The following CSMD1 variants were observed in gnomAD, a reference collection of about 807,000 sequenced individuals.
CSMD1 encodes the protein CUB and Sushi multiple domains 1, also known as CUB and sushi domain-containing protein 1.
Under a neutral mutation model 417.5 loss-of-function variants are expected in CSMD1, and 213 were observed. The ratio of observed to expected loss-of-function variants is 0.51; its 90% CI spans 0.46 to 0.57. The LOEUF (loss-of-function observed/expected upper bound fraction) is 0.57. Among genes scored for constraint, CSMD1 ranks in the 20% least tolerant of loss-of-function variants. CSMD1 has a pLI of 0.00. For synonymous variants in CSMD1, 2,862 were observed against 1,736.8 expected (o/e 1.65, Z -16.11); for missense variants, 6,923 against 4,529.7 (o/e 1.53, Z -15.17).
chr8:4,322,596 A>T (rs1308049223), intron 3 of CSMD1, among the ~76,000 whole-genome samples: 4 of 152,220 alleles, frequency 2.6e-5, no homozygotes, highest in African/African-American at 9.6e-5. Flanking sequence ...AACATAAAAG[A>T]CATGTTGTAG....
intron 15 of CSMD1, among the ~76,000 whole-genome samples, chr8:3,404,331 T>A (rs539622275): frequency 3.0e-3 from 60 of 20,200 alleles, no homozygotes; most frequent in African/African-American, 9.5e-3. Flanking sequence ...CCAGACGCTA[T>A]CTCAAAAAAA....
At chr8:3,875,211 G>C (rs980596165) in intron 5 of CSMD1, among the ~76,000 whole-genome samples, 1 of 152,120 alleles carries the variant, frequency 6.6e-6, no homozygotes, top group East Asian at 1.9e-4. Flanking sequence ...GAGGCCATTC[G>C]GGAGCCACCA....
chr8:3,309,350 A>T (rs907290606), intron 23 of CSMD1, among the ~76,000 whole-genome samples: 4 of 151,696 alleles, frequency 2.6e-5, no homozygotes, highest in African/African-American at 9.7e-5. Flanking sequence ...CTCCTGAATT[A>T]CTGCCGACCA....
intron 7 of CSMD1, among the ~76,000 whole-genome samples, chr8:3,674,633 G>T (rs983657328): frequency 6.6e-6 from 1 of 152,024 alleles, no homozygotes; most frequent in Non-Finnish European, 1.5e-5. Flanking sequence ...TTATTTTACA[G>T]ATAATAAAAC....
intron 3 of CSMD1, among the ~76,000 whole-genome samples, chr8:4,217,555 G>A (rs543368230): frequency 2.5e-4 from 38 of 152,192 alleles, no homozygotes; most frequent in African/African-American, 9.2e-4. Context: ...AATAAGGAAG[G>A]CTTTACGCAG....
In CSMD1 at chr8:3,223,166, A is replaced by G. The variant is rs542314143; in HGVS notation, c.4484+563T>C. ...ATTATTTAAAGAGTTTATTTTCATA[A>G]AATGACTACAGTATTAGACCTTCCA... On this transcript the variant is annotated intron_variant, in intron 28 of 69. Coordinates refer to ENST00000635120, the MANE Select transcript of CSMD1 (RefSeq NM_033225.6). Among the ~76,000 whole-genome samples, 7 of 152,220 alleles carry G rather than the reference A, an allele frequency of 4.6e-5. No individual in the cohort carries two copies. In the South Asian group the frequency reaches 1.4e-3, roughly 31 times the overall value.
chr8:4,221,205 C>A (rs543836929), intron 3 of CSMD1, among the ~76,000 whole-genome samples: 1 of 152,270 alleles, frequency 6.6e-6, no homozygotes, highest in Admixed American at 6.5e-5. Context: ...GTCTCTGCCC[C>A]ATAAATATTT....
At chr8:3,254,317 T>A (rs1029742605) in intron 26 of CSMD1, among the ~76,000 whole-genome samples, 2 of 152,160 alleles carry the variant, frequency 1.3e-5, no homozygotes, top group African/African-American at 4.8e-5. Context: ...ATTTTTTCCT[T>A]CATTTTAACT....
intron 1 of CSMD1, among the ~76,000 whole-genome samples, chr8:4,668,419 A>ATTG (rs1158031096): frequency 3.9e-3 from 352 of 89,546 alleles, no homozygotes; most frequent in Middle Eastern, 0.025. Context: ...GTTTTCCATT[A>ATTG]TTATTATTAT....
intron 2 of CSMD1, among the ~76,000 whole-genome samples, chr8:4,624,875 G>C (rs926580555): frequency 1.3e-5 from 2 of 152,024 alleles, no homozygotes; most frequent in African/African-American, 4.8e-5. Context: ...TTTCCATTCG[G>C]GGTGGTGGGC....
chr8:4,201,647 T>C (rs1799654144), intron 3 of CSMD1, among the ~76,000 whole-genome samples: 1 of 151,480 alleles, frequency 6.6e-6, no homozygotes, highest in African/African-American at 2.4e-5. Flanking sequence ...TTATTTACCC[T>C]TGACCAAAGT....
chr8:4,891,892 T>C (rs866575000), intron 1 of CSMD1, among the ~76,000 whole-genome samples: 23 of 152,230 alleles, frequency 1.5e-4, no homozygotes, highest in African/African-American at 5.5e-4. Flanking sequence ...CTGTATTAGA[T>C]TCTATTTTAG....
Position 3,907,877 on chromosome 8 carries a change from T to C in CSMD1, c.818+90026A>G, listed in dbSNP as rs1171974642. Among the ~76,000 whole-genome samples the C allele has an allele frequency of 3.3e-5, 5 of 152,208 alleles. No homozygotes were observed. The South Asian group carries it at 6.2e-4, about 19-fold the overall frequency. ...TGCGGTCCAGGCAAATAACTTTCTC[T>C]CTTCTTGAGAATATTTCAGGGATTC... On this transcript the variant is annotated intron_variant, in intron 5 of 69. Transcript: ENST00000635120.
chr8:3,253,140 T>C (rs1280649508), intron 26 of CSMD1, among the ~76,000 whole-genome samples: 2 of 152,206 alleles, frequency 1.3e-5, no homozygotes, highest in Non-Finnish European at 2.9e-5. Context: ...ATTTTAGATC[T>C]TTCCTGCTTT....
Position 3,779,644 on chromosome 8 carries a change from G to A in CSMD1, c.819-25602C>T, listed in dbSNP as rs143142388. On this transcript the variant is annotated intron_variant, in intron 5 of 69. Transcript: ENST00000635120. Reference sequence around the variant, plus strand: ...GATAATGACAGCGTTAATATTTTAGGTTACATTTATGCAATGATATGACAT... The same window carrying A: ...GATAATGACAGCGTTAATATTTTAGATTACATTTATGCAATGATATGACAT... Among the ~76,000 whole-genome samples, 457 of 152,190 alleles carry A rather than the reference G, an allele frequency of 3.0e-3. 7 individuals carry two copies. Among genetic ancestry groups the A allele is most frequent in the African/African-American group, 0.011 (439 of 41,524 alleles).
intron 10 of CSMD1, among the ~76,000 whole-genome samples, chr8:3,504,731 G>A (rs544662962): frequency 8.5e-5 from 13 of 152,108 alleles, no homozygotes; most frequent in Non-Finnish European, 2.9e-5. Context: ...CTCTATTGCA[G>A]TAGTGGTATT....
intron 6 of CSMD1, among the ~76,000 whole-genome samples, chr8:3,732,396 T>C (rs1796319217): frequency 1.3e-5 from 2 of 152,184 alleles, no homozygotes; most frequent in African/African-American, 4.8e-5. Flanking sequence ...TTTCTAGCTG[T>C]ACCCTTCAAT....
At position 3,187,913 on chromosome 8, in the gene CSMD1, T is replaced by C; in HGVS notation, c.5576A>G (p.His1859Arg). 1 of 1,613,420 alleles carries C rather than the reference T, an allele frequency of 6.2e-7. No homozygotes were observed. Among genetic ancestry groups the C allele is most frequent in the South Asian group, 1.1e-5 (1 of 90,950 alleles). The stretch of plus-strand genomic sequence containing the variant: ...GGGTGCGGTCACATCCCCACCATCG[T>C]GGATCTCAAGGGAGTCCCAGTTCTG... The part of the protein sequence containing the change: ...TEQNWDSLEI[H>R]DGGDVTAPRL... The change falls in exon 36 of 70, where the codon CAC becomes CGC. Residue 1859 changes from histidine (H) to arginine (R), a missense_variant. Physicochemically the swap from His to Arg is conservative, Grantham distance 29 (BLOSUM62 0). Transcript: ENST00000635120.
chr8:3,391,697 T>C (rs1378983179), intron 17 of CSMD1, among the ~76,000 whole-genome samples: 3 of 152,192 alleles, frequency 2.0e-5, no homozygotes, highest in African/African-American at 7.2e-5. Flanking sequence ...CTGGAGTGAA[T>C]GCTGTTTACA....
Sources: allele counts gnomAD v4.1 joint callset (sites outside exome capture counted in the v4.1 genomes callset), GRCh38; gene constraint gnomAD v4.1.1; transcripts MANE v1.5; gene names NCBI Gene and HGNC (gene_info 2026-07-23, HGNC 2026-07-21).